Variants in ARMH3 observed in about 807,000 individuals in gnomAD.
ARMH3 encodes armadillo-like helical domain-containing protein 3.
ARMH3 carries 60 observed loss-of-function variants against 99.1 expected under a neutral mutation model. That is an observed-to-expected ratio of 0.61 (90% CI 0.49 to 0.75). The LOEUF (loss-of-function observed/expected upper bound fraction) is 0.75, where lower values mean the gene tolerates loss of function less well. ARMH3 is among the 30% of genes least tolerant of loss of function. The pLI, the probability that ARMH3 is intolerant of heterozygous loss-of-function variation, is 0.00. For missense variants in ARMH3, 679 were observed against 843.1 expected, an observed-to-expected ratio of 0.81 and a Z score of 2.41; for synonymous variants, 285 against 292.8, an observed-to-expected ratio of 0.97 and a Z score of 0.27.
chr10:101,848,381 A>G (rs763109587), intron 25 of ARMH3, among the ~76,000 whole-genome samples: 17 of 152,194 alleles, frequency 1.1e-4, no homozygotes, highest in Non-Finnish European at 2.2e-4. Flanking sequence ...AGAAAGGGTC[A>G]GAGGGCCCAA....
intron 23 of ARMH3, among the ~76,000 whole-genome samples, chr10:101,936,787 A>G (rs1844000204): frequency 6.6e-6 from 1 of 152,244 alleles, no homozygotes; most frequent in Admixed American, 6.5e-5. Context: ...TGGATAAGTA[A>G]AATGTGATAC....
At chr10:101,876,861 T>C (rs1358637303) in intron 24 of ARMH3, among the ~76,000 whole-genome samples, 1 of 152,126 alleles carries the variant, frequency 6.6e-6, no homozygotes, top group Non-Finnish European at 1.5e-5. Context: ...TAAAAGATAA[T>C]TCTTGGGTTA....
chr10:101,960,071 G>C (rs905847362), intron 20 of ARMH3, among the ~76,000 whole-genome samples: 15 of 152,222 alleles, frequency 9.9e-5, no homozygotes, highest in Non-Finnish European at 1.9e-4. Flanking sequence ...CCAGCTACTC[G>C]AGAGGCTGAG....
chr10:101,991,817 A>G lies in ARMH3; in HGVS notation c.1345+152T>C, dbSNP rs1283805151. ...TATAACTGGGGTTGCTTTACCAAAC[A>G]CAACAATAAACATGATTCTTAGGCC... On this transcript the variant is annotated intron_variant, in intron 18 of 25. Coordinates refer to ENST00000370033, the MANE Select transcript of ARMH3 (RefSeq NM_024541.3). The G allele has an allele frequency of 4.7e-6, 4 of 847,222 alleles. No homozygotes were observed. The Admixed American group carries it at 6.9e-5, about 15-fold the overall frequency. 52.5% of individuals were successfully genotyped at this position (847,222 alleles called of 1,614,324 possible).
chr10:102,054,846 A>C (rs1321346256), intron 1 of ARMH3, among the ~76,000 whole-genome samples: 1 of 151,608 alleles, frequency 6.6e-6, no homozygotes, highest in Non-Finnish European at 1.5e-5. Context: ...AAATACAAAA[A>C]TTAGCCGGGC....
At chr10:101,997,038 G>A (rs1179435954) in intron 15 of ARMH3, among the ~76,000 whole-genome samples, 2 of 152,162 alleles carry the variant, frequency 1.3e-5, no homozygotes, top group African/African-American at 4.8e-5. Flanking sequence ...GCTGAGGTGG[G>A]ATGATCACCT....
intron 23 of ARMH3, among the ~76,000 whole-genome samples, chr10:101,921,083 T>C (rs1044806350): frequency 3.9e-5 from 6 of 152,194 alleles, no homozygotes; most frequent in African/African-American, 1.4e-4. Flanking sequence ...TCAATATACT[T>C]AATGCTACCA....
At chr10:102,032,013 C>T (rs952888051) in intron 4 of ARMH3, among the ~76,000 whole-genome samples, 1 of 152,226 alleles carries the variant, frequency 6.6e-6, no homozygotes, top group East Asian at 1.9e-4. Flanking sequence ...GCTCGGATTA[C>T]AGGCATGAGC....
intron 22 of ARMH3, among the ~76,000 whole-genome samples, chr10:101,946,238 T>C (rs572163413): frequency 6.6e-6 from 1 of 152,236 alleles, no homozygotes; most frequent in East Asian, 1.9e-4. Context: ...TCATGGACTT[T>C]AAAGCAGTTA....
At chr10:101,872,048 G>A (rs938664342) in intron 24 of ARMH3, among the ~76,000 whole-genome samples, 15 of 151,590 alleles carry the variant, frequency 9.9e-5, no homozygotes, top group Admixed American at 6.6e-4. Flanking sequence ...CCAGAAGTAG[G>A]CAGAGATTTA....
In ARMH3 at chr10:102,010,173, C is replaced by T. The variant is rs970789435; in HGVS notation, c.832-150G>A. On this transcript the variant is annotated intron_variant, in intron 11 of 25. Coordinates refer to ENST00000370033, the MANE Select transcript of ARMH3 (RefSeq NM_024541.3). Reference sequence around the variant, plus strand: ...GGCCATAAGTCACACACACCAAAACCAGCCCACTTTGAAAATCTTAAAAGA... The same window carrying T: ...GGCCATAAGTCACACACACCAAAACTAGCCCACTTTGAAAATCTTAAAAGA... 6.6e-6 allele frequency: 4 copies of T among 606,374 alleles called. No individual in the cohort carries two copies. The African/African-American group carries it at 7.6e-5, about 11-fold the overall frequency. The allele number at this position is 606,374 out of a possible 1,614,324, so 37.6% of individuals were successfully genotyped here. A position where few individuals can be genotyped will look rare whatever the true frequency, so the allele number is the denominator to read the frequency against.
chr10:102,024,000 T>C (rs2066945064), intron 6 of ARMH3, among the ~76,000 whole-genome samples: 1 of 152,194 alleles, frequency 6.6e-6, no homozygotes, highest in Non-Finnish European at 1.5e-5. Context: ...ACACATGCAT[T>C]CGCTTAACAG....
At chr10:102,032,110 T>C (rs1055669247) in intron 4 of ARMH3, among the ~76,000 whole-genome samples, 5 of 152,216 alleles carry the variant, frequency 3.3e-5, no homozygotes, top group African/African-American at 1.2e-4. Context: ...CTAAACTTAC[T>C]AGACTAAATT....
At chr10:101,855,564 G>A (rs2066718490) in intron 24 of ARMH3, among the ~76,000 whole-genome samples, 1 of 150,244 alleles carries the variant, frequency 6.7e-6, no homozygotes, top group Non-Finnish European at 1.5e-5. Context: ...TTATTTTTTT[G>A]AGACAAGATC....
chr10:101,892,204 G>A (rs910891534), intron 23 of ARMH3, among the ~76,000 whole-genome samples: 4 of 151,178 alleles, frequency 2.6e-5, no homozygotes, highest in African/African-American at 9.7e-5. Context: ...CAGCACTTTG[G>A]GAGGCTAAGG....
intron 24 of ARMH3, among the ~76,000 whole-genome samples, chr10:101,869,929 A>G (rs1174573507): frequency 6.6e-6 from 1 of 152,214 alleles, no homozygotes; most frequent in Non-Finnish European, 1.5e-5. Context: ...GATACTCAGG[A>G]GGTTGAAGCC....
At chr10:101,936,729 A>T (rs1386954753) in intron 23 of ARMH3, among the ~76,000 whole-genome samples, 1 of 152,200 alleles carries the variant, frequency 6.6e-6, no homozygotes, top group African/African-American at 2.4e-5. Flanking sequence ...AGCATTATTT[A>T]TAATAACCAA....
At chr10:102,041,394 A>C (rs1054571328) in intron 1 of ARMH3, among the ~76,000 whole-genome samples, 2 of 152,040 alleles carry the variant, frequency 1.3e-5, no homozygotes, top group African/African-American at 4.8e-5. Flanking sequence ...TATGTGAGAT[A>C]GGGAGAGGCC....
intron 19 of ARMH3, among the ~76,000 whole-genome samples, chr10:101,987,012 C>T (rs1033981529): frequency 3.9e-5 from 6 of 152,054 alleles, no homozygotes; most frequent in Non-Finnish European, 5.9e-5. Context: ...TGAACAAGGG[C>T]GAGGAGGGAG....
Sources: gnomAD v4.1 joint callset for allele counts (sites outside exome capture counted in the v4.1 genomes callset) on GRCh38, gnomAD v4.1.1 for gene constraint, MANE v1.5 for transcripts, NCBI Gene and HGNC (gene_info 2026-07-23, HGNC 2026-07-21) for gene names.